SACM1L: variants seen among roughly 807,000 people sequenced by gnomAD.
SACM1L encodes SAC1 like phosphatidylinositide phosphatase, also known as phosphatidylinositol-3-phosphatase SAC1.
SACM1L carries 32 observed loss-of-function variants against 89.5 expected under a neutral mutation model. That is an observed-to-expected ratio of 0.36 (90% CI 0.27 to 0.48). The LOEUF is 0.48. Among genes scored for constraint, SACM1L ranks in the 20% least tolerant of loss-of-function variants. The pLI, the probability that SACM1L is intolerant of heterozygous loss-of-function variation, is 0.99. For synonymous variants in SACM1L, 213 were observed against 232.8 expected (o/e 0.92, Z 0.77); for missense variants, 543 against 708.5 (o/e 0.77, Z 2.65).
intron 17 of SACM1L, 25 bp downstream of exon 17, chr3:45,738,696 T>C (rs1407971094): frequency 1.3e-6 from 2 of 1,542,118 alleles, no homozygotes; most frequent in Non-Finnish European, 1.8e-6. Flanking sequence ...GATGCTTTCC[T>C]GGCATTACGT....
intron 10 of SACM1L, 56 bp from the exon 11 acceptor site, chr3:45,723,417 TTA>T: frequency 1.5e-6 from 1 of 647,840 alleles, no homozygotes; most frequent in African/African-American, 1.9e-5. Flanking sequence ...AATATTTAAA[TTA>T]TATTTATAAA....
intron 1 of SACM1L, among the ~76,000 whole-genome samples, chr3:45,701,269 C>G (rs1358781768): frequency 6.6e-6 from 1 of 151,950 alleles, no homozygotes; most frequent in Non-Finnish European, 1.5e-5. Flanking sequence ...AAAGTTATAG[C>G]CTTTAGACTT....
chr3:45,714,946 T>C (rs1372024170), intron 7 of SACM1L, among the ~76,000 whole-genome samples: 1 of 152,234 alleles, frequency 6.6e-6, no homozygotes, highest in African/African-American at 2.4e-5. Context: ...AAGATTATAA[T>C]ACCATATTTC....
intron 11 of SACM1L, among the ~76,000 whole-genome samples, chr3:45,723,839 A>G (rs550723991): frequency 1.3e-5 from 2 of 152,148 alleles, no homozygotes; most frequent in Admixed American, 6.5e-5. Context: ...GAATAATACA[A>G]TGTTTTTCTT....
At chr3:45,703,410 GTTAT>G in intron 1 of SACM1L, 24 bp from the exon 2 acceptor site, 1 of 1,442,270 alleles carries the variant, frequency 6.9e-7, no homozygotes, top group Non-Finnish European at 9.8e-7. Flanking sequence ...CATTTGGTTA[GTTAT>G]TTATGTTTTA....
intron 5 of SACM1L, among the ~76,000 whole-genome samples, chr3:45,711,895 T>C (rs950198689): frequency 5.3e-5 from 8 of 152,160 alleles, no homozygotes; most frequent in Non-Finnish European, 1.0e-4. Context: ...TTCTTTTATA[T>C]TTTTTTAGTT....
intron 1 of SACM1L, 75 bp from the exon 2 acceptor site, chr3:45,703,363 A>G: frequency 1.0e-6 from 1 of 984,126 alleles, no homozygotes; most frequent in Non-Finnish European, 1.6e-6. Flanking sequence ...ATACTCTGTA[A>G]TTGTCATAAT....
At position 45,698,998 on chromosome 3, in the gene SACM1L, C is replaced by T. The variant is rs1016003943; in HGVS notation, c.33-4440C>T. On this transcript the variant is annotated intron_variant, in intron 1 of 19. Coordinates refer to ENST00000389061, the MANE Select transcript of SACM1L (RefSeq NM_014016.5). Reference sequence around the variant, plus strand: ...CCATGTTGGCCAGGATGGTCTCGATCTCCTGACCTTGTGATCCACCCGCCT... The same window carrying T: ...CCATGTTGGCCAGGATGGTCTCGATTTCCTGACCTTGTGATCCACCCGCCT... 7.2e-5 allele frequency among the ~76,000 whole-genome samples: 11 copies of T among 152,342 alleles called. No individual in the cohort carries two copies. The East Asian group carries it at 1.3e-3, about 19-fold the overall frequency.
At chr3:45,700,436 T>G (rs1378932074) in intron 1 of SACM1L, among the ~76,000 whole-genome samples, 4 of 152,120 alleles carry the variant, frequency 2.6e-5, no homozygotes, top group African/African-American at 9.7e-5. Flanking sequence ...AACCTGTAAC[T>G]TTGTCCTGGA....
At chr3:45,734,438 T>A (rs942409804) in intron 13 of SACM1L, among the ~76,000 whole-genome samples, 3 of 151,308 alleles carry the variant, frequency 2.0e-5, no homozygotes, top group East Asian at 1.9e-4. Context: ...AGAAAAAAAA[T>A]ATTTTTAAGT....
chr3:45,739,603 T>A lies in SACM1L; in HGVS notation c.1586T>A (p.Val529Asp). 6.2e-7 allele frequency: 1 copy of A among 1,614,148 alleles called. No individual in the cohort carries two copies. ...CTTTTCCAGTTGCCTATTATCATGG[T>A]TGTTGCCTTTTCAATGTGCATTATC... ...WKFLALPIIM[V>D]VAFSMCIICL... The change falls in exon 19 of 20, where the codon GTT (valine) becomes GAT (aspartate). Residue 529 changes from valine to aspartate, a missense_variant. By Grantham distance (152) the Val-to-Asp change is radical. Around this residue, in one of 2 missense-constraint regions of SACM1L, gnomAD observed 370 missense variants for 527.6 expected, o/e 0.70. Transcript: ENST00000389061.
chr3:45,718,503 C>T (rs2064064), intron 7 of SACM1L, among the ~76,000 whole-genome samples: 95,630 of 151,822 alleles, frequency 0.63, 30,546 homozygotes, highest in Non-Finnish European at 0.66. Context: ...TCAAATATAC[C>T]TCATAAACAA....
chr3:45,739,851 G>A (rs1575413781), intron 19 of SACM1L: 1 of 599,688 alleles, frequency 1.7e-6, no homozygotes, highest in South Asian at 2.1e-5. Flanking sequence ...TTTAACCTCA[G>A]ATTTTAAAAA....
At chr3:45,699,378 T>A (rs1698208626) in intron 1 of SACM1L, among the ~76,000 whole-genome samples, 1 of 151,366 alleles carries the variant, frequency 6.6e-6, no homozygotes. Context: ...CTGGTTTATG[T>A]AGCTGTGGTT....
Position 45,738,813 on chromosome 3 carries a change from A to C in SACM1L, c.1509A>C (p.Ser503=), listed in dbSNP as rs1313397318. 1 of 1,611,408 alleles carries C rather than the reference A, an allele frequency of 6.2e-7. No individual in the cohort carries two copies. The highest frequency in any genetic ancestry group is 8.5e-7 in the Non-Finnish European group (1 of 1,177,786). ...DSIDLFLGNY[S]VDELESHSPL... ...TAGACTTATTTCTTGGAAACTATTCAGTGGATGAATTAGAATCTCATAGTC... is the reference window on the plus strand; with the variant it reads ...TAGACTTATTTCTTGGAAACTATTCCGTGGATGAATTAGAATCTCATAGTC... Residue 503 remains serine (S), a synonymous_variant, in exon 18 of 20, where the codon TCA becomes TCC. Coordinates refer to ENST00000389061, the MANE Select transcript of SACM1L (RefSeq NM_014016.5).
At chr3:45,710,591 C>T (rs1217703681) in intron 5 of SACM1L, among the ~76,000 whole-genome samples, 3 of 149,908 alleles carry the variant, frequency 2.0e-5, no homozygotes, top group African/African-American at 7.4e-5. Flanking sequence ...GTTCAGGAAC[C>T]TGGATGATTG....
At chr3:45,737,705 A>G in intron 15 of SACM1L, 53 bp downstream of exon 15, 7 of 1,577,916 alleles carry the variant, frequency 4.4e-6, no homozygotes, top group Non-Finnish European at 6.0e-6. Flanking sequence ...AAATAAATTA[A>G]TATTCTGGAT....
At position 45,743,601 on chromosome 3, in the gene SACM1L, A is replaced by G; in HGVS notation, c.1696A>G (p.Ile566Val). The G allele has an allele frequency of 6.2e-7, 1 of 1,614,122 alleles. No individual in the cohort carries two copies. The highest frequency in any genetic ancestry group is 2.2e-5 in the East Asian group (1 of 44,880). Residue 566 changes from isoleucine to valine, a missense_variant, in exon 20 of 20, where the codon ATC becomes GTC. By Grantham distance (29) the Ile-to-Val change is conservative. Transcript: ENST00000389061. ...WGVASIGTFF[I>V]ILYNGKDFVD... is the part of the protein sequence containing the mutation. ...AGTTGCAAGCATTGGAACATTTTTT[A>G]TCATTCTTTACAATGGCAAAGATTT...
rs79690142 is a variant in SACM1L, at chr3:45,739,981, A to G, written c.1627+337A>G. ...AAAAAGAGACACAAGATACAGTAGG[A>G]TCAGTATCTTGTGCTTTTTCCAAAG... On this transcript the variant is annotated intron_variant, in intron 19 of 19. Coordinates refer to ENST00000389061, the MANE Select transcript of SACM1L (RefSeq NM_014016.5). 344 of 298,754 alleles carry G rather than the reference A, an allele frequency of 1.2e-3. 7 individuals carry two copies. In the East Asian group the frequency reaches 0.025, roughly 21 times the overall value. The allele number at this position is 298,754 out of a possible 1,614,324, so 18.5% of individuals were successfully genotyped here. A position where few individuals can be genotyped will look rare whatever the true frequency, so the allele number is the denominator to read the frequency against.
Sources: allele counts gnomAD v4.1 joint callset (sites outside exome capture counted in the v4.1 genomes callset), GRCh38; gene constraint gnomAD v4.1.1; regional missense constraint gnomAD v4.1.1; transcripts MANE v1.5; gene names NCBI Gene and HGNC (gene_info 2026-07-23, HGNC 2026-07-21).